Variants in GNB5 observed in about 807,000 individuals in gnomAD.
The protein encoded by GNB5 is guanine nucleotide-binding protein subunit beta-5.
GNB5 carries 37 observed loss-of-function variants against 55.3 expected under a neutral mutation model. The ratio of observed to expected loss-of-function variants is 0.67; its 90% CI spans 0.51 to 0.88. The LOEUF (loss-of-function observed/expected upper bound fraction) is 0.88, where lower values mean the gene tolerates loss of function less well. Ranked by LOEUF, GNB5 falls within the 40% of genes least tolerant of loss-of-function variation. The probability of loss-of-function intolerance (pLI) is 0.00; values close to 1 mark genes in which losing one functional copy is unlikely to be tolerated. For synonymous variants in GNB5, 219 were observed against 198.5 expected (o/e 1.10, Z -0.87); for missense variants, 476 against 515.3 (o/e 0.92, Z 0.74).
At chr15:52,137,192 C>T in intron 7 of GNB5, 1 of 1,132,658 alleles carries the variant, frequency 8.8e-7, no homozygotes, top group Non-Finnish European at 1.1e-6. Context: ...GTCAGATAAC[C>T]TTAGCTTTGC....
chr15:52,153,716 T>A (rs1190530395), intron 4 of GNB5, among the ~76,000 whole-genome samples: 1 of 152,224 alleles, frequency 6.6e-6, no homozygotes, highest in Non-Finnish European at 1.5e-5. Context: ...GTTCATCATA[T>A]TGGTTACATA....
At chr15:52,131,607 A>G (rs1384214914) in intron 9 of GNB5, among the ~76,000 whole-genome samples, 2 of 152,194 alleles carry the variant, frequency 1.3e-5, no homozygotes, top group Non-Finnish European at 2.9e-5. Context: ...TACTATCTGT[A>G]GTAATTTTCA....
intron 3 of GNB5, among the ~76,000 whole-genome samples, chr15:52,164,923 G>A (rs946286832): frequency 6.6e-6 from 1 of 152,178 alleles, no homozygotes; most frequent in South Asian, 2.1e-4. Context: ...CTGAGCTAAA[G>A]GAGCATGTTC....
chr15:52,189,289 C>T (rs1390878182), intron 1 of GNB5, among the ~76,000 whole-genome samples: 2 of 152,210 alleles, frequency 1.3e-5, no homozygotes, highest in Non-Finnish European at 2.9e-5. Flanking sequence ...GATATATACC[C>T]AGGATACTTG....
chr15:52,175,541 A>G (rs1399888031), intron 3 of GNB5, among the ~76,000 whole-genome samples: 1 of 151,778 alleles, frequency 6.6e-6, no homozygotes, highest in Non-Finnish European at 1.5e-5. Flanking sequence ...GAGTTCAAGA[A>G]CAGCCCGTCC....
intron 3 of GNB5, among the ~76,000 whole-genome samples, chr15:52,158,790 C>G (rs944903964): frequency 2.0e-5 from 3 of 152,116 alleles, no homozygotes; most frequent in Admixed American, 1.3e-4. Flanking sequence ...TAGTTCATTC[C>G]AGTTCAGTCT....
At position 52,184,630 on chromosome 15, in the gene GNB5, T is replaced by C. The variant is rs1336662054; in HGVS notation, c.47A>G (p.Lys16Arg). ...TCTCAGAGCTCGTTGTTTGAAACAT[T>C]TGTCACATGAGCCAAATACATTAAC... ...FLVNVFGSCD[K>R]CFKQRALRPV... The change falls in exon 2 of 13, where the codon AAA (lysine) becomes AGA (arginine). Residue 16 changes from lysine to arginine, a missense_variant. Transcript: ENST00000261837. 2 of 1,613,274 alleles carry C rather than the reference T, an allele frequency of 1.2e-6. No homozygotes were observed. Among genetic ancestry groups the C allele is most frequent in the African/African-American group, 2.7e-5 (2 of 74,908 alleles).
intron 11 of GNB5, chr15:52,125,624 C>G: frequency 5.2e-6 from 1 of 193,740 alleles, no homozygotes; most frequent in South Asian, 1.4e-4. Context: ...GAAAAGTTCC[C>G]TTTGGGGCAT....
intron 6 of GNB5, among the ~76,000 whole-genome samples, chr15:52,145,008 G>C (rs1267862727): frequency 6.6e-6 from 1 of 152,134 alleles, no homozygotes; most frequent in Non-Finnish European, 1.5e-5. Flanking sequence ...GCACTTTCAT[G>C]AGTTTGGCGA....
At chr15:52,190,659 C>T (rs769192682) in intron 1 of GNB5, among the ~76,000 whole-genome samples, 9 of 151,576 alleles carry the variant, frequency 5.9e-5, no homozygotes, top group South Asian at 2.1e-4. Flanking sequence ...GAGTATAAGT[C>T]GGTATAACCA....
chr15:52,142,013 C>A (rs2033867863), intron 6 of GNB5, among the ~76,000 whole-genome samples: 2 of 152,200 alleles, frequency 1.3e-5, no homozygotes, highest in South Asian at 4.1e-4. Flanking sequence ...CTTAGATTGG[C>A]TGTTTATAGA....
intron 7 of GNB5, among the ~76,000 whole-genome samples, chr15:52,139,328 C>A (rs7163133): frequency 1.3e-5 from 2 of 151,968 alleles, no homozygotes; most frequent in Non-Finnish European, 1.5e-5. Flanking sequence ...TGCAGACCCA[C>A]TACAGGCCTA....
intron 3 of GNB5, 145 bp from the exon 4 acceptor site, chr15:52,154,221 CT>C: frequency 1.6e-6 from 1 of 638,108 alleles, no homozygotes; most frequent in Non-Finnish European, 2.6e-6. Flanking sequence ...TCTCTGATTC[CT>C]TACCATTGCA....
In GNB5 at chr15:52,133,386, G is replaced by A. The variant is rs757202479; in HGVS notation, c.855C>T (p.Asn285=). Residue 285 remains asparagine, a synonymous_variant, in exon 9 of 13, where the codon AAC becomes AAT. Coordinates refer to ENST00000261837, the MANE Select transcript of GNB5 (RefSeq NM_016194.4). ...ACATTCTACTCACTGACCGGACACTGTTGATGTCAGATTCATGTGTTTCAA... is the reference window on the plus strand; with the variant it reads ...ACATTCTACTCACTGACCGGACACTATTGATGTCAGATTCATGTGTTTCAA... ...QAFETHESDI[N]SVRYYPSGDA... The A allele has an allele frequency of 1.3e-6, 2 of 1,598,068 alleles. No homozygotes were observed. Among genetic ancestry groups the A allele is most frequent in the South Asian group, 2.2e-5 (2 of 90,778 alleles).
intron 5 of GNB5, among the ~76,000 whole-genome samples, chr15:52,148,620 C>T (rs1349154534): frequency 6.6e-6 from 1 of 152,188 alleles, no homozygotes; most frequent in Non-Finnish European, 1.5e-5. Context: ...ACTCAGCCAG[C>T]CAGCAGCCAG....
At chr15:52,143,639 A>T (rs1276203283) in intron 6 of GNB5, among the ~76,000 whole-genome samples, 1 of 152,234 alleles carries the variant, frequency 6.6e-6, no homozygotes, top group East Asian at 1.9e-4. Flanking sequence ...ACTGAGAGGG[A>T]GACCCAGGAG....
At chr15:52,163,178 G>A (rs2034371723) in intron 3 of GNB5, among the ~76,000 whole-genome samples, 1 of 152,200 alleles carries the variant, frequency 6.6e-6, no homozygotes, top group African/African-American at 2.4e-5. Context: ...TGCAACCTGT[G>A]GATCGGGAGA....
At chr15:52,137,379 G>A in intron 7 of GNB5, 1 of 1,035,750 alleles carries the variant, frequency 9.7e-7, no homozygotes, top group Non-Finnish European at 1.2e-6. Context: ...CCAGGTGAAA[G>A]AAGGGAAGGG....
At chr15:52,187,482 C>G (rs1184334365) in intron 1 of GNB5, among the ~76,000 whole-genome samples, 1 of 151,894 alleles carries the variant, frequency 6.6e-6, no homozygotes, top group Non-Finnish European at 1.5e-5. Flanking sequence ...CGAGAGGAAC[C>G]TATGGCACCA....
Sources: gnomAD v4.1 joint callset for allele counts (sites outside exome capture counted in the v4.1 genomes callset) on GRCh38, gnomAD v4.1.1 for gene constraint, MANE v1.5 for transcripts, NCBI Gene and HGNC (gene_info 2026-07-23, HGNC 2026-07-21) for gene names.